Variants in TENM4 observed in about 807,000 individuals in gnomAD.
TENM4 encodes the protein teneurin-4.
Under a neutral mutation model 243.3 loss-of-function variants are expected in TENM4, and 82 were observed. The observed-to-expected ratio is 0.34, with a 90% confidence interval of 0.28 to 0.40. The LOEUF is 0.40. Among genes scored for constraint, TENM4 ranks in the 10% least tolerant of loss-of-function variants. The pLI is 1.00. For missense variants in TENM4, 3,138 were observed against 3,673.3 expected, an observed-to-expected ratio of 0.85 and a Z score of 3.77; for synonymous variants, 1,412 against 1,456.3, an observed-to-expected ratio of 0.97 and a Z score of 0.69.
At chr11:79,116,518 AAAATAG>A (rs1861625407) in intron 4 of TENM4, among the ~76,000 whole-genome samples, 1 of 2,684 alleles carries the variant, frequency 3.7e-4, no homozygotes, top group African/African-American at 3.3e-3. Context: ...GTGAAATAGT[AAAATAG>A]TATTGTAGCC....
intron 6 of TENM4, among the ~76,000 whole-genome samples, chr11:78,911,486 G>A (rs962106851): frequency 2.0e-5 from 3 of 152,228 alleles, no homozygotes; most frequent in African/African-American, 4.8e-5. Context: ...ACACTGAAAG[G>A]TAGGAAGAGA....
At position 78,863,197 on chromosome 11, in the gene TENM4, T is replaced by C. The variant is rs1858868507; in HGVS notation, c.1085-65A>G. ...AGGCAGAAACGGGACTCCCAAGCCA[T>C]AAGGGAAAGGTGGGCAGGGTGGGGG... is the stretch of plus-strand genomic sequence containing the variant. On this transcript the variant is annotated intron_variant, in intron 9 of 33. Coordinates refer to ENST00000278550, the MANE Select transcript of TENM4 (RefSeq NM_001098816.3). 2.8e-6 allele frequency: 4 copies of C among 1,425,728 alleles called. No homozygotes were observed. In the Admixed American group the frequency reaches 9.2e-5, roughly 33 times the overall value. The allele number at this position is 1,425,728 out of a possible 1,614,324, so 88.3% of individuals were successfully genotyped here.
Position 78,701,642 on chromosome 11 carries a change from G to C in TENM4, c.4971C>G (p.Asn1657Lys), listed in dbSNP as rs776676395. ...GTGTGGTCACACTCTTGAGTGCACT[G>C]TTGGTGCCCATGGTCACCCAGTACA... is the stretch of plus-strand genomic sequence containing the variant. The part of the protein sequence containing the change: ...GQVYWVTMGT[N>K]SALKSVTTQG... The change falls in exon 28 of 34, where the codon AAC (asparagine) becomes AAG (lysine). Residue 1657 changes from asparagine (N) to lysine (K), a missense_variant. Around this residue, in one of 2 missense-constraint regions of TENM4, gnomAD observed 2,467 missense variants for 3,059.1 expected, o/e 0.81. Coordinates refer to ENST00000278550, the MANE Select transcript of TENM4 (RefSeq NM_001098816.3). 1 of 1,613,986 alleles carries C rather than the reference G, an allele frequency of 6.2e-7. No homozygotes were observed. Among genetic ancestry groups the C allele is most frequent in the East Asian group, 2.2e-5 (1 of 44,868 alleles).
Position 78,657,820 on chromosome 11 carries a change from G to C in TENM4, c.*238C>G. Reference sequence around the variant, plus strand: ...GAAAAAGGGAACAAAAGACAATAAAGTTTTCATTGTGATCACACTACAGAA... The same window carrying C: ...GAAAAAGGGAACAAAAGACAATAAACTTTTCATTGTGATCACACTACAGAA... On this transcript the variant is annotated 3_prime_UTR_variant, in exon 34 of 34. Coordinates refer to ENST00000278550, the MANE Select transcript of TENM4 (RefSeq NM_001098816.3). 1.6e-6 allele frequency: 1 copy of C among 616,962 alleles called. No individual in the cohort carries two copies. The highest frequency in any genetic ancestry group is 1.8e-5 in the African/African-American group (1 of 54,250). 38.2% of individuals were successfully genotyped at this position (616,962 alleles called of 1,614,324 possible). A position where few individuals can be genotyped will look rare whatever the true frequency, so the allele number is the denominator to read the frequency against.
At chr11:78,902,718 G>T (rs542203493) in intron 7 of TENM4, among the ~76,000 whole-genome samples, 4 of 152,364 alleles carry the variant, frequency 2.6e-5, no homozygotes, top group Admixed American at 6.5e-5. Context: ...CATGCTAGGG[G>T]TTATTAGGGC....
At chr11:79,310,144 G>A (rs17138024) in intron 1 of TENM4, among the ~76,000 whole-genome samples, 13,357 of 152,186 alleles carry the variant, frequency 0.088, 743 homozygotes, top group East Asian at 0.3. Flanking sequence ...ACAGGCCCCG[G>A]CACAAAGGAG....
At chr11:79,327,456 C>T (rs1856992122) in intron 1 of TENM4, among the ~76,000 whole-genome samples, 1 of 152,162 alleles carries the variant, frequency 6.6e-6, no homozygotes, top group African/African-American at 2.4e-5. Flanking sequence ...CAGATGTTCT[C>T]TCTAAAAGAC....
intron 25 of TENM4, among the ~76,000 whole-genome samples, chr11:78,714,128 C>T (rs1354182072): frequency 6.6e-6 from 1 of 152,136 alleles, no homozygotes; most frequent in Non-Finnish European, 1.5e-5. Context: ...CTGCAGACCC[C>T]CTTCAAGATG....
chr11:79,384,645 G>A (rs1590927847), intron 1 of TENM4, among the ~76,000 whole-genome samples: 2 of 152,084 alleles, frequency 1.3e-5, no homozygotes, highest in East Asian at 1.9e-4. Context: ...CACAAAACTC[G>A]GAGCACGCAG....
chr11:78,934,567 C>T (rs928074670), intron 6 of TENM4, among the ~76,000 whole-genome samples: 2 of 152,126 alleles, frequency 1.3e-5, no homozygotes, highest in Non-Finnish European at 2.9e-5. Context: ...ATCCACAGTG[C>T]TATTAGGAGT....
chr11:78,732,603 G>C, intron 20 of TENM4, 26 bp from the exon 21 acceptor site: 1 of 1,570,234 alleles, frequency 6.4e-7, no homozygotes, highest in Non-Finnish European at 8.7e-7. Context: ...AGGTTGAGAA[G>C]GGGCGGGGAG....
At chr11:78,815,803 C>T (rs1857593634) in intron 12 of TENM4, among the ~76,000 whole-genome samples, 1 of 152,170 alleles carries the variant, frequency 6.6e-6, no homozygotes, top group Non-Finnish European at 1.5e-5. Context: ...CAAAACAAAA[C>T]CAACAGGTGG....
intron 19 of TENM4, among the ~76,000 whole-genome samples, chr11:78,743,015 C>G (rs2135916814): frequency 6.6e-6 from 1 of 152,264 alleles, no homozygotes; most frequent in Admixed American, 6.5e-5. Context: ...TTTTCCCAAC[C>G]TGGTATAAAA....
chr11:78,895,323 T>G (rs1348971695), intron 7 of TENM4, among the ~76,000 whole-genome samples: 7 of 141,888 alleles, frequency 4.9e-5, no homozygotes, highest in Admixed American at 3.7e-4. Context: ...GGCGACAGAG[T>G]GAGACTCCGT....
chr11:78,889,324 G>A (rs1855611240), intron 9 of TENM4, among the ~76,000 whole-genome samples: 1 of 152,152 alleles, frequency 6.6e-6, no homozygotes, highest in Admixed American at 6.5e-5. Flanking sequence ...GTGCTTTCCT[G>A]CCAGTTTCCC....
At chr11:78,720,458 T>G (rs1859621836) in intron 24 of TENM4, 68 bp from the exon 25 acceptor site, 5 of 1,519,700 alleles carry the variant, frequency 3.3e-6, no homozygotes, top group Middle Eastern at 1.7e-4. Flanking sequence ...TTAGAAGCAT[T>G]ATTAGCAGCC....
At chr11:78,714,306 G>T (rs1859470983) in intron 25 of TENM4, among the ~76,000 whole-genome samples, 1 of 151,542 alleles carries the variant, frequency 6.6e-6, no homozygotes, top group Admixed American at 6.6e-5. Context: ...GTCACTGAAG[G>T]TCTTAATCTG....
chr11:78,977,746 A>T (rs769746520), intron 6 of TENM4, among the ~76,000 whole-genome samples: 14 of 151,750 alleles, frequency 9.2e-5, no homozygotes, highest in Admixed American at 1.3e-4. Context: ...AGGCTTTTAC[A>T]CTGTTGGTGG....
At chr11:78,830,722 C>G (rs1157036600) in intron 12 of TENM4, among the ~76,000 whole-genome samples, 1 of 152,046 alleles carries the variant, frequency 6.6e-6, no homozygotes, top group African/African-American at 2.4e-5. Flanking sequence ...CCTCTCAGAC[C>G]CTGGGGAAAT....
Sources: allele counts gnomAD v4.1 joint callset (sites outside exome capture counted in the v4.1 genomes callset), GRCh38; gene constraint gnomAD v4.1.1; regional missense constraint gnomAD v4.1.1; transcripts MANE v1.5; gene names NCBI Gene and HGNC (gene_info 2026-07-23, HGNC 2026-07-21).